PEX7: variants seen among roughly 807,000 people sequenced by gnomAD.
The protein encoded by PEX7 is peroxisomal biogenesis factor 7, also known as PTS2 receptor.
PEX7 carries 34 observed loss-of-function variants against 47.5 expected under a neutral mutation model. That is an observed-to-expected ratio of 0.72 (90% confidence interval 0.54 to 0.95). The LOEUF is 0.95. Ranked by LOEUF, PEX7 falls within the 40% of genes least tolerant of loss-of-function variation. PEX7 has a pLI of 0.00. For synonymous variants in PEX7, 141 were observed against 148.8 expected (o/e 0.95, Z 0.38); for missense variants, 394 against 400.3 (o/e 0.98, Z 0.13).
intron 7 of PEX7, 131 bp downstream of exon 7, chr6:136,870,134 C>T: frequency 1.8e-6 from 1 of 567,650 alleles, no homozygotes; most frequent in Non-Finnish European, 2.9e-6. Flanking sequence ...TTTTTGTTAC[C>T]CAATTAATTA....
intron 3 of PEX7, among the ~76,000 whole-genome samples, chr6:136,834,002 A>T (rs973338929): frequency 6.6e-6 from 1 of 152,206 alleles, no homozygotes; most frequent in African/African-American, 2.4e-5. Flanking sequence ...TCCCACGTAA[A>T]TTAAAAAACA....
chr6:136,829,999 TCC>T, intron 3 of PEX7: 2 of 705,422 alleles, frequency 2.8e-6, no homozygotes, highest in Non-Finnish European at 5.2e-6. Flanking sequence ...TTTTTTTTTT[TCC>T]ACCAGTATGT....
chr6:136,900,417 T>C lies in PEX7; in HGVS notation c.903+2176T>C. ...TGGCAGGTTCTTTAGCCTTTGCCTT[T>C]TCCAGCTTGGCAGTGTGAGCCACAG... On this transcript the variant is annotated intron_variant, in intron 9 of 9. Transcript: ENST00000318471. This position sits in a 1 kb window ranked among gnomAD's most constrained non-coding sequence, Gnocchi z 4.2. 1 of 405,502 alleles carries C rather than the reference T, an allele frequency of 2.5e-6. No homozygotes were observed. Among genetic ancestry groups the C allele is most frequent in the South Asian group, 2.0e-5 (1 of 49,086 alleles). The allele number at this position is 405,502 out of a possible 1,614,324, so 25.1% of individuals were successfully genotyped here. A position where few individuals can be genotyped will look rare whatever the true frequency, so the allele number is the denominator to read the frequency against.
At position 136,845,658 on chromosome 6, in the gene PEX7, T is replaced by C. The variant is rs1669115699; in HGVS notation, c.383T>C (p.Val128Ala). 6.2e-7 allele frequency: 1 copy of C among 1,610,954 alleles called. No individual in the cohort carries two copies. Among genetic ancestry groups the C allele is most frequent in the South Asian group, 1.1e-5 (1 of 91,012 alleles). The change falls in exon 4 of 10, where the codon GTG becomes GCG. Residue 128 changes from valine to alanine, a missense_variant. Transcript: ENST00000318471. ...AGCCAAACCAGAGGTGAACAGCTTG[T>C]GGTGTCTGGCTCATGGGATCAAACT... is the stretch of plus-strand genomic sequence containing the variant. ...DWSQTRGEQLVVSGSWDQTVK... is the reference protein window; with the variant it reads ...DWSQTRGEQLAVSGSWDQTVK...
chr6:136,869,832 C>T, intron 6 of PEX7, 58 bp from the exon 7 acceptor site: 3 of 1,232,750 alleles, frequency 2.4e-6, no homozygotes. Context: ...GTAGGAAAGC[C>T]TGCATACTGT....
At chr6:136,869,862 A>T in intron 6 of PEX7, 28 bp from the exon 7 acceptor site, 1 of 1,512,546 alleles carries the variant, frequency 6.6e-7, no homozygotes, top group Non-Finnish European at 9.2e-7. Flanking sequence ...AAGATGTCAC[A>T]GTTTATGTTT....
Position 136,849,370 on chromosome 6 carries a change from TCA to T in PEX7, c.526+3190_526+3191del, listed in dbSNP as rs529864824. ...TATCTCCTTCAGTTCTGCTCTGATC[TCA>T]GTTATTTGTTGCCTTCTGCTAGCTT... On this transcript the variant is annotated intron_variant, in intron 5 of 9. Coordinates refer to ENST00000318471, the MANE Select transcript of PEX7 (RefSeq NM_000288.4). Among the ~76,000 whole-genome samples, 301 of 152,332 alleles carry T rather than the reference TCA, an allele frequency of 2.0e-3. 3 individuals carry two copies. The highest frequency in any genetic ancestry group is 6.5e-3 in the African/African-American group (270 of 41,580).
chr6:136,866,676 C>A lies in PEX7; in HGVS notation c.576C>A (p.Ile192=). The A allele has an allele frequency of 6.2e-7, 1 of 1,613,972 alleles. No individual in the cohort carries two copies. The highest frequency in any genetic ancestry group is 1.1e-5 in the South Asian group (1 of 91,066). ...ATGTGAAGGCAGCAGGAGTAAGAAT[C>A]GTGATTCCTGCACATCAGGCAGAAA... The part of the protein sequence containing the change: ...IWDVKAAGVR[I]VIPAHQAEIL... The change falls in exon 6 of 10, where the codon ATC becomes ATA. Residue 192 remains isoleucine, a synonymous_variant. Coordinates refer to ENST00000318471, the MANE Select transcript of PEX7 (RefSeq NM_000288.4).
intron 3 of PEX7, among the ~76,000 whole-genome samples, chr6:136,828,261 A>G (rs1381954127): frequency 3.3e-5 from 5 of 152,222 alleles, no homozygotes; most frequent in Admixed American, 3.3e-4. Context: ...AGTAATGAAT[A>G]AAATAAATGT....
chr6:136,852,170 A>AT (rs1232023399), intron 5 of PEX7, among the ~76,000 whole-genome samples: 1 of 151,068 alleles, frequency 6.6e-6, no homozygotes, highest in African/African-American at 2.4e-5. Context: ...TCTTGAATTG[A>AT]TTTTTGTATA....
At chr6:136,847,902 G>T (rs1183857257) in intron 5 of PEX7, among the ~76,000 whole-genome samples, 1 of 152,154 alleles carries the variant, frequency 6.6e-6, no homozygotes, top group Non-Finnish European at 1.5e-5. Flanking sequence ...GCAGCTTGAT[G>T]GGGATGGCAT....
chr6:136,885,871 A>G (rs897366577), intron 8 of PEX7, among the ~76,000 whole-genome samples: 1 of 152,214 alleles, frequency 6.6e-6, no homozygotes, highest in Non-Finnish European at 1.5e-5. Context: ...TATAAACTTG[A>G]GCAAGTTATT....
chr6:136,859,675 T>G (rs993985387), intron 5 of PEX7, among the ~76,000 whole-genome samples: 5 of 152,146 alleles, frequency 3.3e-5, no homozygotes, highest in Non-Finnish European at 7.3e-5. Context: ...TGCTGCAATT[T>G]GAAATTAGAC....
At chr6:136,888,380 C>T (rs1205549680) in intron 8 of PEX7, among the ~76,000 whole-genome samples, 2 of 152,086 alleles carry the variant, frequency 1.3e-5, no homozygotes, top group African/African-American at 4.8e-5. Flanking sequence ...CAGTTAAATT[C>T]TTAGGATGAT....
intron 8 of PEX7, among the ~76,000 whole-genome samples, chr6:136,890,044 G>C (rs1775528587): frequency 6.6e-6 from 1 of 152,182 alleles, no homozygotes; most frequent in African/African-American, 2.4e-5. Context: ...ACAGTTCCCA[G>C]AGAGCATAAG....
At chr6:136,843,727 G>A (rs775915602) in intron 3 of PEX7, among the ~76,000 whole-genome samples, 3 of 152,062 alleles carry the variant, frequency 2.0e-5, no homozygotes, top group Non-Finnish European at 2.9e-5. Context: ...CTAACAGATG[G>A]CCACAGCAGC....
chr6:136,824,774 T>G (rs1473019469), intron 1 of PEX7, among the ~76,000 whole-genome samples: 1 of 152,206 alleles, frequency 6.6e-6, no homozygotes, highest in African/African-American at 2.4e-5. Context: ...CTGTGTGAGA[T>G]GTGTTTTAGA....
chr6:136,867,798 C>CA (rs535561957), intron 6 of PEX7, among the ~76,000 whole-genome samples: 1 of 131,148 alleles, frequency 7.6e-6, no homozygotes, highest in African/African-American at 2.7e-5. Flanking sequence ...ACAACAACAA[C>CA]AAAAAACTTT....
intron 3 of PEX7, among the ~76,000 whole-genome samples, chr6:136,829,836 C>G (rs895855912): frequency 3.3e-5 from 5 of 152,012 alleles, no homozygotes; most frequent in African/African-American, 1.2e-4. Flanking sequence ...TATTTGGTGG[C>G]TGAGGCACAA....
Sources: allele counts gnomAD v4.1 joint callset (sites outside exome capture counted in the v4.1 genomes callset), GRCh38; gene constraint gnomAD v4.1.1; non-coding constraint Gnocchi (gnomAD v3.1); transcripts MANE v1.5; gene names NCBI Gene and HGNC (gene_info 2026-07-23, HGNC 2026-07-21).